Variants in LARS1 observed in about 807,000 individuals in gnomAD.
The protein encoded by LARS1 is leucyl-tRNA synthetase 1, also known as leucine--tRNA ligase, cytoplasmic.
In LARS1, 100 loss-of-function variants were observed where a neutral mutation model predicts 162.8. The observed-to-expected ratio is 0.61, with a 90% CI of 0.52 to 0.73. The LOEUF (loss-of-function observed/expected upper bound fraction) is 0.73. Among genes scored for constraint, LARS1 ranks in the 30% least tolerant of loss-of-function variants. The pLI is 0.00. For missense variants in LARS1, 1,258 were observed against 1,408.9 expected (o/e 0.89, Z 1.71); for synonymous variants, 457 against 462.8 (o/e 0.99, Z 0.16).
intron 12 of LARS1, 66 bp from the exon 13 acceptor site, chr5:146,153,293 C>T: frequency 1.7e-6 from 2 of 1,149,408 alleles, no homozygotes; most frequent in Admixed American, 1.8e-5. Context: ...TTGAGAGAAG[C>T]AATCTCCAAA....
chr5:146,131,167 A>G (rs1752263504), intron 23 of LARS1, 58 bp from the exon 24 acceptor site: 6 of 730,622 alleles, frequency 8.2e-6, no homozygotes, highest in Non-Finnish European at 1.3e-5. Flanking sequence ...ACATAGCTAT[A>G]AAAAACTGCT....
chr5:146,144,805 A>C, intron 15 of LARS1, 96 bp from the exon 16 acceptor site: 1 of 1,047,514 alleles, frequency 9.5e-7, no homozygotes, highest in Non-Finnish European at 1.4e-6. Context: ...CTATACCACC[A>C]ATAACTGAAA....
chr5:146,135,637 T>A lies in LARS1; in HGVS notation c.2176A>T (p.Thr726Ser). Residue 726 changes from threonine (T) to serine (S), a missense_variant, in exon 22 of 32, where the codon ACT becomes TCT. Thr to Ser is a moderately conservative substitution (Grantham distance 58, BLOSUM62 1). Transcript: ENST00000394434. ...AATTTGTCAATAGCTTGGGTCAAAGTGAGGAAGTTGCCTGTGGATTTTGAC... is the reference window on the plus strand; with the variant it reads ...AATTTGTCAATAGCTTGGGTCAAAGAGAGGAAGTTGCCTGTGGATTTTGAC... ...KMSKSTGNFLTLTQAIDKFSA... is the reference protein window; with the variant it reads ...KMSKSTGNFLSLTQAIDKFSA... 6.2e-7 allele frequency: 1 copy of A among 1,600,474 alleles called. No homozygotes were observed. Among genetic ancestry groups the A allele is most frequent in the Non-Finnish European group, 8.5e-7 (1 of 1,176,208 alleles).
At chr5:146,138,485 G>C (rs1442037939) in intron 21 of LARS1, 2 of 151,940 alleles carry the variant, frequency 1.3e-5, no homozygotes, top group Non-Finnish European at 1.5e-5. Context: ...CCAGCACTTT[G>C]GGAAGCCGAG....
chr5:146,154,118 A>C, intron 10 of LARS1, 138 bp from the exon 11 acceptor site: 1 of 629,010 alleles, frequency 1.6e-6, no homozygotes, highest in Non-Finnish European at 2.8e-6. Context: ...TATATTGTAC[A>C]ATATGGTGAC....
At chr5:146,133,692 CAA>C (rs55993097) in intron 22 of LARS1, among the ~76,000 whole-genome samples, 2 of 112,294 alleles carry the variant, frequency 1.8e-5, no homozygotes, top group South Asian at 3.1e-4. Flanking sequence ...TATAGGGTTG[CAA>C]AAAAAAAAAA....
chr5:146,138,757 A>G (rs2962503), intron 21 of LARS1: 100,123 of 160,220 alleles, frequency 0.62, 32,370 homozygotes, highest in South Asian at 0.83. Context: ...AGAAAAAGAA[A>G]AAAAAATTTG....
At chr5:146,155,976 A>G (rs1753507549) in intron 10 of LARS1, among the ~76,000 whole-genome samples, 1 of 152,248 alleles carries the variant, frequency 6.6e-6, no homozygotes, top group Non-Finnish European at 1.5e-5. Context: ...ATGAAATACT[A>G]TGTAGCTATA....
chr5:146,144,447 CCTT>C, intron 17 of LARS1, 22 bp downstream of exon 17: 2 of 1,604,980 alleles, frequency 1.2e-6, no homozygotes, highest in Non-Finnish European at 1.7e-6. Context: ...CCTTTTTCCT[CCTT>C]CATCACTTTC....
intron 2 of LARS1, among the ~76,000 whole-genome samples, 180 bp downstream of exon 2, chr5:146,177,367 G>C (rs913306846): frequency 6.6e-6 from 1 of 150,406 alleles, no homozygotes; most frequent in Admixed American, 6.7e-5. Context: ...TCGGGAGGCT[G>C]AGGCAGGAGA....
chr5:146,177,101 C>T (rs985430817), intron 2 of LARS1, among the ~76,000 whole-genome samples: 8 of 152,228 alleles, frequency 5.3e-5, no homozygotes, highest in African/African-American at 1.7e-4. Flanking sequence ...CTGTTTCAGG[C>T]ATTATAAATA....
At chr5:146,176,401 G>A (rs1455970574) in intron 2 of LARS1, among the ~76,000 whole-genome samples, 2 of 139,420 alleles carry the variant, frequency 1.4e-5, no homozygotes, top group African/African-American at 2.7e-5. Flanking sequence ...GCAGTGAGCC[G>A]AGATGGCGCC....
intron 10 of LARS1, among the ~76,000 whole-genome samples, chr5:146,156,017 C>G (rs950496416): frequency 6.6e-6 from 1 of 152,172 alleles, no homozygotes; most frequent in Non-Finnish European, 1.5e-5. Context: ...TGTTTATGTA[C>G]TGACAAAATG....
intron 7 of LARS1, 96 bp from the exon 8 acceptor site, chr5:146,159,566 G>A: frequency 1.2e-6 from 1 of 840,836 alleles, no homozygotes; most frequent in Non-Finnish European, 2.0e-6. Context: ...TACATGTCTT[G>A]CAACTAGAAT....
chr5:146,118,821 C>T (rs1751685981), intron 31 of LARS1, among the ~76,000 whole-genome samples: 1 of 152,104 alleles, frequency 6.6e-6, no homozygotes, highest in African/African-American at 2.4e-5. Flanking sequence ...TGTATTCAAG[C>T]CTCCTGAACT....
rs7717715 is a variant in LARS1, at chr5:146,173,216, G to T, written c.126-442C>A. Among the ~76,000 whole-genome samples the T allele has an allele frequency of 5.7e-3, 861 of 151,962 alleles. 9 individuals carry two copies. The highest frequency in any genetic ancestry group is 0.02 in the African/African-American group (824 of 41,452). On this transcript the variant is annotated intron_variant, in intron 2 of 31. Transcript: ENST00000394434. ...CTAGCCGGGCGTGATGGCGTGCGCT[G>T]ATAATCCCAGCTACTCTAGTGGTTA...
rs768831398 is a variant in LARS1, at chr5:146,130,047, A to G, written c.2599T>C (p.Cys867Arg). ...LLLAPFCPHL[C>R]EHIWTLLGKP... is the part of the protein sequence containing the mutation. ...CCCAGGAGTGTCCAGATGTGCTCAC[A>G]CAAATGTGGACAGAATGGAGCGAGG... The change falls in exon 25 of 32, where the codon TGT becomes CGT. Residue 867 changes from cysteine to arginine, a missense_variant. Transcript: ENST00000394434. 1 of 1,613,808 alleles carries G rather than the reference A, an allele frequency of 6.2e-7. No individual in the cohort carries two copies. The highest frequency in any genetic ancestry group is 8.5e-7 in the Non-Finnish European group (1 of 1,179,834).
rs17104264 is a variant in LARS1 at position 146,128,338 on chromosome 5, T to C, written c.2880+334A>G. On this transcript the variant is annotated intron_variant, in intron 27 of 31. Transcript: ENST00000394434. The stretch of plus-strand genomic sequence containing the variant: ...AATAAATTTAATGAATGACTCCCAC[T>C]GCTCAAGTTACAACAAATTCCAAAG... Among the ~76,000 whole-genome samples, 13,676 of 152,234 alleles carry C rather than the reference T, an allele frequency of 0.09. 770 individuals are homozygous for C. The highest frequency in any genetic ancestry group is 0.16 in the African/African-American group (6,454 of 41,530).
intron 26 of LARS1, 38 bp downstream of exon 26, chr5:146,128,940 G>A: frequency 6.6e-7 from 1 of 1,525,374 alleles, no homozygotes; most frequent in Non-Finnish European, 8.9e-7. Flanking sequence ...TAACTTTTAA[G>A]GAATAATCCT....
Sources: gnomAD v4.1 joint callset for allele counts (sites outside exome capture counted in the v4.1 genomes callset) on GRCh38, gnomAD v4.1.1 for gene constraint, MANE v1.5 for transcripts, NCBI Gene and HGNC (gene_info 2026-07-23, HGNC 2026-07-21) for gene names.